Variants in LRRFIP1 observed in about 807,000 individuals in gnomAD.
LRRFIP1 encodes LRR binding FLII interacting protein 1.
LRRFIP1 carries 62 observed loss-of-function variants against 104.4 expected under a neutral mutation model. The ratio of observed to expected loss-of-function variants is 0.59; its 90% CI spans 0.48 to 0.73. LRRFIP1 has a LOEUF of 0.73. Ranked by LOEUF, LRRFIP1 falls within the 30% of genes least tolerant of loss-of-function variation. The probability of loss-of-function intolerance (pLI) is 0.00; values close to 1 mark genes in which losing one functional copy is unlikely to be tolerated. For synonymous variants in LRRFIP1, 300 were observed against 299.0 expected (o/e 1.00, Z -0.03); for missense variants, 796 against 824.5 (o/e 0.97, Z 0.42).
rs59085305 is a variant in LRRFIP1, at chr2:237,681,451, C to G, written c.97-27093C>G. ...GTGTGATCTTGGCTCACTGCAACCT[C>G]CGCCTCCTGGGTTCAAGCGATTCTC... On this transcript the variant is annotated intron_variant, in intron 1 of 23. Transcript: ENST00000308482. Among the ~76,000 whole-genome samples, 1,298 of 152,050 alleles carry G rather than the reference C, an allele frequency of 8.5e-3. 16 individuals carry two copies. Among genetic ancestry groups the G allele is most frequent in the African/African-American group, 0.025 (1,057 of 41,458 alleles).
chr2:237,719,359 A>G (rs767750338), intron 4 of LRRFIP1, among the ~76,000 whole-genome samples, 164 bp from the exon 5 acceptor site: 8 of 152,350 alleles, frequency 5.3e-5, no homozygotes, highest in Middle Eastern at 3.4e-3. Flanking sequence ...ATTTTTACCC[A>G]CTGGTTTAAT....
At chr2:237,683,453 C>T (rs1200046441) in intron 1 of LRRFIP1, 1 of 152,254 alleles carries the variant, frequency 6.6e-6, no homozygotes, top group Non-Finnish European at 1.5e-5. Flanking sequence ...TGGCGTTCCT[C>T]ACACTCCCCC....
At chr2:237,704,628 C>T (rs1355943006) in intron 1 of LRRFIP1, among the ~76,000 whole-genome samples, 1 of 152,192 alleles carries the variant, frequency 6.6e-6, no homozygotes, top group Non-Finnish European at 1.5e-5. Context: ...TGCCTGTAAG[C>T]TAAGTTGCCA....
chr2:237,715,068 A>G (rs568649908), intron 3 of LRRFIP1, among the ~76,000 whole-genome samples: 1 of 152,366 alleles, frequency 6.6e-6, no homozygotes, highest in Admixed American at 6.5e-5. Flanking sequence ...AATCAGAATA[A>G]GATCACTTAA....
chr2:237,733,323 G>A (rs563801808), intron 8 of LRRFIP1, among the ~76,000 whole-genome samples: 1 of 152,270 alleles, frequency 6.6e-6, no homozygotes, highest in East Asian at 1.9e-4. Flanking sequence ...GACTGTCGCT[G>A]GGCCCCTGGC....
Position 237,735,980 on chromosome 2 carries a change from G to C in LRRFIP1, c.555+647G>C, listed in dbSNP as rs535527780. Among the ~76,000 whole-genome samples, 17 of 152,206 alleles carry C rather than the reference G, an allele frequency of 1.1e-4. No homozygotes were observed. Among genetic ancestry groups the C allele is most frequent in the Non-Finnish European group, 2.4e-4 (16 of 68,038 alleles). On this transcript the variant is annotated intron_variant, in intron 10 of 23. Transcript: ENST00000308482. The surrounding 1 kb of genome is among the most constrained non-coding windows in gnomAD (Gnocchi z 4.6). ...GGTGCTCCCTGGCGGTGGATCTCCT[G>C]TATTCAGAGGCTCCTCCCCAATCCT...
chr2:237,761,295 G>A (rs969074170), intron 19 of LRRFIP1, among the ~76,000 whole-genome samples: 4 of 152,184 alleles, frequency 2.6e-5, no homozygotes, highest in Admixed American at 1.3e-4. Flanking sequence ...GGTGGCCAAG[G>A]CTGGAGGATC....
intron 2 of LRRFIP1, among the ~76,000 whole-genome samples, chr2:237,713,819 C>G (rs954726061): frequency 6.6e-6 from 1 of 152,128 alleles, no homozygotes; most frequent in Admixed American, 6.5e-5. Flanking sequence ...CTGTGTGTGT[C>G]TGTGTGAATC....
rs548423728 is a variant in LRRFIP1, at chr2:237,645,820, C to T, written c.96+18080C>T. ...GCAGAGCAGACTAAGAAAGATGAAA[C>T]ATCTGGATTGCAGAGAAGGGTGACC... is the stretch of plus-strand genomic sequence containing the variant. On this transcript the variant is annotated intron_variant, in intron 1 of 23. Coordinates refer to ENST00000308482, the MANE Select transcript of LRRFIP1 (RefSeq NM_001137550.2). Among the ~76,000 whole-genome samples, 12 of 152,116 alleles carry T rather than the reference C, an allele frequency of 7.9e-5. No individual in the cohort carries two copies. In the South Asian group the frequency reaches 2.5e-3, roughly 32 times the overall value.
intron 1 of LRRFIP1, among the ~76,000 whole-genome samples, chr2:237,686,730 G>A (rs1471634250): frequency 1.3e-5 from 2 of 152,224 alleles, no homozygotes; most frequent in African/African-American, 4.8e-5. Context: ...CTTTCCAGAC[G>A]CTCTTGCTCT....
chr2:237,756,798 CTG>C (rs1641652957), intron 16 of LRRFIP1, among the ~76,000 whole-genome samples: 1 of 152,164 alleles, frequency 6.6e-6, no homozygotes, highest in Admixed American at 6.5e-5. Flanking sequence ...TCCCTGGAAA[CTG>C]TAAATATGAT....
intron 1 of LRRFIP1, among the ~76,000 whole-genome samples, chr2:237,696,583 A>G (rs2093199320): frequency 6.6e-6 from 1 of 152,156 alleles, no homozygotes; most frequent in African/African-American, 2.4e-5. Flanking sequence ...CCTCATGGGG[A>G]GCAGATCGTT....
intron 1 of LRRFIP1, among the ~76,000 whole-genome samples, chr2:237,699,697 C>T (rs2093403313): frequency 6.6e-6 from 1 of 152,228 alleles, no homozygotes; most frequent in East Asian, 1.9e-4. Flanking sequence ...GGGAAAAGTT[C>T]TTCCCATCGC....
intron 1 of LRRFIP1, among the ~76,000 whole-genome samples, chr2:237,676,810 T>C (rs958296181): frequency 6.6e-6 from 1 of 152,136 alleles, no homozygotes; most frequent in African/African-American, 2.4e-5. Flanking sequence ...GCCCAGGAGA[T>C]GGTTTTAAAA....
chr2:237,733,530 T>A (rs1431406819), intron 8 of LRRFIP1, among the ~76,000 whole-genome samples: 1 of 152,258 alleles, frequency 6.6e-6, no homozygotes, highest in Non-Finnish European at 1.5e-5. Context: ...GATCGTGTTT[T>A]AAAGATGCTG....
At chr2:237,653,394 T>C (rs1366904675) in intron 1 of LRRFIP1, among the ~76,000 whole-genome samples, 1 of 152,182 alleles carries the variant, frequency 6.6e-6, no homozygotes, top group East Asian at 1.9e-4. Context: ...CCCATGTTCA[T>C]GGACTGGAAG....
chr2:237,733,947 T>C, intron 9 of LRRFIP1, 129 bp downstream of exon 9: 1 of 934,336 alleles, frequency 1.1e-6, no homozygotes, highest in Non-Finnish European at 1.7e-6. Context: ...CACGTGGAGC[T>C]TACATGTGCC....
intron 1 of LRRFIP1, among the ~76,000 whole-genome samples, chr2:237,655,684 T>C: frequency 6.6e-6 from 1 of 152,200 alleles, no homozygotes; most frequent in East Asian, 1.9e-4. Context: ...ATATAGGACA[T>C]CTTTTTAACT....
intron 1 of LRRFIP1, among the ~76,000 whole-genome samples, chr2:237,633,214 A>G (rs1424317189): frequency 6.6e-6 from 1 of 152,238 alleles, no homozygotes; most frequent in Non-Finnish European, 1.5e-5. Flanking sequence ...ATCTTGGCAG[A>G]TCGTCTACAA....
Sources: allele counts gnomAD v4.1 joint callset (sites outside exome capture counted in the v4.1 genomes callset), GRCh38; gene constraint gnomAD v4.1.1; non-coding constraint Gnocchi (gnomAD v3.1); transcripts MANE v1.5; gene names NCBI Gene and HGNC (gene_info 2026-07-23, HGNC 2026-07-21).